Variants in LAMA3 observed in about 807,000 individuals in gnomAD.
LAMA3 encodes laminin subunit alpha 3.
A neutral mutation model predicts 402.0 loss-of-function variants in LAMA3; 281 were observed. That is an observed-to-expected ratio of 0.70 (90% confidence interval 0.63 to 0.77). The LOEUF (loss-of-function observed/expected upper bound fraction) is 0.77. LAMA3 is among the 30% of genes least tolerant of loss of function. LAMA3 has a pLI of 0.00. For missense variants in LAMA3, 3,840 were observed against 4,215.5 expected, an observed-to-expected ratio of 0.91 and a Z score of 2.47; for synonymous variants, 1,431 against 1,558.4, an observed-to-expected ratio of 0.92 and a Z score of 1.93.
chr18:23,730,168 A>T (rs890366471), intron 2 of LAMA3, among the ~76,000 whole-genome samples: 2 of 152,162 alleles, frequency 1.3e-5, no homozygotes, highest in Non-Finnish European at 2.9e-5. Context: ...TGGCTCCACC[A>T]TGCAGGTGGA....
At position 23,714,031 on chromosome 18, in the gene LAMA3, A is replaced by C; in HGVS notation, c.406A>C (p.Thr136Pro). 1.2e-6 allele frequency: 2 copies of C among 1,614,050 alleles called. No homozygotes were observed. The highest frequency in any genetic ancestry group is 2.2e-5 in the South Asian group (2 of 91,082). The change falls in exon 2 of 75, where the codon ACA becomes CCA. Residue 136 changes from threonine (T) to proline (P), a missense_variant. Physicochemically the swap from Thr to Pro is conservative, Grantham distance 38 (BLOSUM62 -1). Transcript: ENST00000313654. ...GCAAAGCCCTCCCCTGTCCTCAGGC[A>C]CACAGTACAACAGAGTCAACCTCAC... ...WWQSPPLSSG[T>P]QYNRVNLTLD...
rs759914334 is a variant in LAMA3 at position 23,846,448 on chromosome 18, G to A, written c.3871G>A (p.Val1291Ile). 10 of 1,613,582 alleles carry A rather than the reference G, an allele frequency of 6.2e-6. No individual in the cohort carries two copies. Among genetic ancestry groups the A allele is most frequent in the South Asian group, 3.3e-5 (3 of 91,086 alleles). ...TGGGCAGTGCCCATGCCAGCCCAACGTCATCGGGCGGCAGTGCACCCGCTG... is the reference window on the plus strand; with the variant it reads ...TGGGCAGTGCCCATGCCAGCCCAACATCATCGGGCGGCAGTGCACCCGCTG... ...EGGQCPCQPN[V>I]IGRQCTRCAT... Residue 1291 changes from valine to isoleucine, a missense_variant, in exon 31 of 75, where the codon GTC (valine) becomes ATC (isoleucine). This residue lies in a region of LAMA3 where 2,109 missense variants were observed against 2,376.0 expected (regional missense o/e 0.89). Transcript: ENST00000313654.
At chr18:23,784,292 T>C (rs2062496504) in intron 12 of LAMA3, 135 bp downstream of exon 12, 1 of 1,022,338 alleles carries the variant, frequency 9.8e-7, no homozygotes, top group Non-Finnish European at 1.5e-6. Flanking sequence ...ATATGGATGT[T>C]ACATGTGATG....
At chr18:23,870,472 G>T (rs186503109) in intron 37 of LAMA3, among the ~76,000 whole-genome samples, 145 of 152,252 alleles carry the variant, frequency 9.5e-4, no homozygotes, top group African/African-American at 3.4e-3. Context: ...TGCTCCAGCA[G>T]TCCCACTTCT....
At chr18:23,871,739 A>T in intron 38 of LAMA3, 78 bp downstream of exon 38, 1 of 1,149,090 alleles carries the variant, frequency 8.7e-7, no homozygotes, top group Non-Finnish European at 1.3e-6. Context: ...GCACTGTGGG[A>T]TGGTTTGGGG....
At chr18:23,933,656 G>A in intron 66 of LAMA3, 126 bp from the exon 67 acceptor site, 1 of 900,522 alleles carries the variant, frequency 1.1e-6, no homozygotes, top group East Asian at 2.6e-5. Context: ...CTGCATTTTT[G>A]TACCCATTAA....
chr18:23,775,636 T>A (rs1324996620), intron 9 of LAMA3, among the ~76,000 whole-genome samples, 156 bp from the exon 10 acceptor site: 1 of 152,184 alleles, frequency 6.6e-6, no homozygotes, highest in Non-Finnish European at 1.5e-5. Context: ...GTGAGAACCA[T>A]CAATCAGGTG....
At chr18:23,806,218 C>T (rs931389981) in intron 12 of LAMA3, among the ~76,000 whole-genome samples, 1 of 152,226 alleles carries the variant, frequency 6.6e-6, no homozygotes, top group Admixed American at 6.5e-5. Context: ...CCAATTACCC[C>T]CATTGCACTT....
At chr18:23,917,696 A>G (rs1188420073) in intron 60 of LAMA3, among the ~76,000 whole-genome samples, 3 of 152,058 alleles carry the variant, frequency 2.0e-5, no homozygotes, top group Non-Finnish European at 2.9e-5. Flanking sequence ...TCCATTTTTA[A>G]TGGGGTTGTT....
chr18:23,690,423 T>G (rs958399571), intron 1 of LAMA3, among the ~76,000 whole-genome samples: 12 of 152,176 alleles, frequency 7.9e-5, no homozygotes, highest in African/African-American at 2.7e-4. Context: ...TAAGAGAGAA[T>G]TTTTAGGTTA....
At chr18:23,850,350 C>G (rs1286748416) in intron 32 of LAMA3, among the ~76,000 whole-genome samples, 1 of 152,238 alleles carries the variant, frequency 6.6e-6, no homozygotes, top group African/African-American at 2.4e-5. Context: ...AATACTCACT[C>G]TTTACTTAGT....
In LAMA3 at chr18:23,939,526, G is replaced by A; in HGVS notation, c.9026+140G>A. ...ACCATTTTTGTGCAAAGAGGTGCTG[G>A]CCTGCACAGGACAGGGAGCGTGATT... is the stretch of plus-strand genomic sequence containing the variant. On this transcript the variant is annotated intron_variant, in intron 68 of 74. Transcript: ENST00000313654. 4 of 908,210 alleles carry A rather than the reference G, an allele frequency of 4.4e-6. No individual in the cohort carries two copies. The South Asian group carries it at 5.4e-5, about 12-fold the overall frequency. The allele number at this position is 908,210 out of a possible 1,614,324, so 56.3% of individuals were successfully genotyped here.
At chr18:23,721,794 C>T (rs2061218060) in intron 2 of LAMA3, among the ~76,000 whole-genome samples, 1 of 152,144 alleles carries the variant, frequency 6.6e-6, no homozygotes, top group Non-Finnish European at 1.5e-5. Context: ...TAACTGATTT[C>T]CCAGCATCTA....
chr18:23,845,842 C>A (rs189741121), intron 30 of LAMA3, among the ~76,000 whole-genome samples: 174 of 152,206 alleles, frequency 1.1e-3, no homozygotes, highest in African/African-American at 4.1e-3. Flanking sequence ...AGGGCTTAGG[C>A]CTAATTGGTT....
chr18:23,713,225 C>G (rs910394056), intron 1 of LAMA3, among the ~76,000 whole-genome samples: 14 of 152,272 alleles, frequency 9.2e-5, no homozygotes, highest in African/African-American at 2.9e-4. Context: ...ACCTGGCAAG[C>G]CTTGTCTCTC....
intron 20 of LAMA3, among the ~76,000 whole-genome samples, chr18:23,823,067 G>A (rs73969534): frequency 0.029 from 4,426 of 152,244 alleles, 207 homozygotes; most frequent in African/African-American, 0.1. Context: ...CAAAATGTAC[G>A]CCATCTTTGT....
chr18:23,923,256 T>C (rs946329556), intron 62 of LAMA3, among the ~76,000 whole-genome samples: 2 of 151,962 alleles, frequency 1.3e-5, no homozygotes, highest in African/African-American at 4.8e-5. Flanking sequence ...ATGACCAAAT[T>C]TGGGTTTTCA....
At chr18:23,938,760 G>A (rs762877693) in intron 67 of LAMA3, among the ~76,000 whole-genome samples, 2 of 151,870 alleles carry the variant, frequency 1.3e-5, no homozygotes, top group South Asian at 2.1e-4. Context: ...TCCCAGGTGC[G>A]GCAGCTTTCA....
intron 12 of LAMA3, among the ~76,000 whole-genome samples, chr18:23,791,415 G>T (rs1191956715): frequency 6.6e-6 from 1 of 152,066 alleles, no homozygotes; most frequent in East Asian, 1.9e-4. Flanking sequence ...GGGGAAAAAT[G>T]ATAGATAATT....
Sources: allele counts gnomAD v4.1 joint callset (sites outside exome capture counted in the v4.1 genomes callset), GRCh38; gene constraint gnomAD v4.1.1; regional missense constraint gnomAD v4.1.1; transcripts MANE v1.5; gene names NCBI Gene and HGNC (gene_info 2026-07-23, HGNC 2026-07-21).